TRARG1: variants seen among roughly 807,000 people sequenced by gnomAD.
TRARG1 encodes the protein trafficking regulator of GLUT4 1.
Under a neutral mutation model 13.3 loss-of-function variants are expected in TRARG1, and 16 were observed. The observed-to-expected ratio is 1.20, with a 90% CI of 0.81 to 1.83. The LOEUF is 1.83. Among genes scored for constraint, TRARG1 ranks in the 40% most tolerant of loss-of-function variants. The pLI is 0.00. For synonymous variants in TRARG1, 113 were observed against 106.2 expected, an observed-to-expected ratio of 1.06 and a Z score of -0.39; for missense variants, 250 against 237.4, an observed-to-expected ratio of 1.05 and a Z score of -0.35.
intron 2 of TRARG1, among the ~76,000 whole-genome samples, chr17:1,297,854 C>T (rs1015240583): frequency 6.6e-6 from 1 of 152,202 alleles, no homozygotes; most frequent in African/African-American, 2.4e-5. Flanking sequence ...ATCTGCCCGC[C>T]TCTGCCTCCC....
At position 1,299,545 on chromosome 17, in the gene TRARG1, C is replaced by G. The variant is rs982941260; in HGVS notation, c.*1281C>G. 6.6e-6 allele frequency: 1 copy of G among 152,096 alleles called. No individual in the cohort carries two copies. The highest frequency in any genetic ancestry group is 1.5e-5 in the Non-Finnish European group (1 of 68,070). 9.4% of individuals were successfully genotyped at this position (152,096 alleles called of 1,614,324 possible). The stretch of plus-strand genomic sequence containing the variant: ...GACCTAATGGGACCCCCGAAAGGAG[C>G]CAAGTGGGGCCCTCGGCCTCTTCCT... On this transcript the variant is annotated 3_prime_UTR_variant, in exon 3 of 3. Transcript: ENST00000333813.
At chr17:1,295,812 G>A (rs1400528711) in intron 2 of TRARG1, among the ~76,000 whole-genome samples, 189 bp downstream of exon 2, 1 of 152,234 alleles carries the variant, frequency 6.6e-6, no homozygotes, top group Non-Finnish European at 1.5e-5. Flanking sequence ...AGTGGGGATG[G>A]GCTGGCAGAC....
intron 1 of TRARG1, among the ~76,000 whole-genome samples, chr17:1,291,155 C>T (rs1598192993): frequency 6.6e-6 from 1 of 152,022 alleles, no homozygotes; most frequent in Non-Finnish European, 1.5e-5. Context: ...ATCCACTCAC[C>T]TCAGCCATGC....
At chr17:1,286,330 T>C (rs1240036727) in intron 1 of TRARG1, among the ~76,000 whole-genome samples, 3 of 151,884 alleles carry the variant, frequency 2.0e-5, no homozygotes, top group Non-Finnish European at 2.9e-5. Context: ...AGACCACAGA[T>C]GTGGGGTGTT....
chr17:1,295,678 C>A, intron 2 of TRARG1, 55 bp downstream of exon 2: 1 of 1,550,090 alleles, frequency 6.5e-7, no homozygotes. Context: ...GTGAGGACTG[C>A]TCAAGGGTGT....
chr17:1,284,970 A>G (rs926571895), intron 1 of TRARG1, among the ~76,000 whole-genome samples: 4 of 151,736 alleles, frequency 2.6e-5, no homozygotes, highest in Non-Finnish European at 4.4e-5. Flanking sequence ...GTGAGCCACC[A>G]CACCCGGCTG....
chr17:1,283,082 C>T (rs190158417), intron 1 of TRARG1, among the ~76,000 whole-genome samples: 1 of 152,296 alleles, frequency 6.6e-6, no homozygotes, highest in Non-Finnish European at 1.5e-5. Context: ...TCCCCAGAAC[C>T]TCCAGTCCGG....
chr17:1,292,551 T>G (rs2072076620), intron 1 of TRARG1, among the ~76,000 whole-genome samples: 1 of 152,164 alleles, frequency 6.6e-6, no homozygotes, highest in African/African-American at 2.4e-5. Flanking sequence ...CTCCGTCCAG[T>G]CCCTCCTACC....
intron 1 of TRARG1, among the ~76,000 whole-genome samples, chr17:1,281,399 C>T (rs539547521): frequency 1.3e-5 from 2 of 152,160 alleles, no homozygotes; most frequent in Admixed American, 6.5e-5. Flanking sequence ...GAGTGACTCC[C>T]TGCAGAGTCA....
chr17:1,284,881 T>C (rs1048768425), intron 1 of TRARG1, among the ~76,000 whole-genome samples: 2 of 151,762 alleles, frequency 1.3e-5, no homozygotes, highest in African/African-American at 4.8e-5. Flanking sequence ...GGGGTTTCAC[T>C]GTGTTAGCCA....
Position 1,280,402 on chromosome 17 carries a change from T to TA in TRARG1, c.387+14_387+15insA. 6.4e-7 allele frequency: 1 copy of TA among 1,564,072 alleles called. No homozygotes were observed. On this transcript the variant is annotated intron_variant, in intron 1 of 2. Transcript: ENST00000333813. ...ATTTCCATCATGGTAAGTGCTGGTC[T>TA]TTGTTCCAGGGGCAGGGGCTGGGCC...
intron 1 of TRARG1, among the ~76,000 whole-genome samples, chr17:1,287,108 A>T (rs1481775566): frequency 6.6e-6 from 1 of 151,872 alleles, no homozygotes; most frequent in Non-Finnish European, 1.5e-5. Flanking sequence ...ATGGGCTGAG[A>T]GAAGACAAAG....
intron 1 of TRARG1, among the ~76,000 whole-genome samples, chr17:1,290,228 A>G (rs2072060265): frequency 6.6e-6 from 1 of 152,186 alleles, no homozygotes; most frequent in African/African-American, 2.4e-5. Flanking sequence ...GTCCCAATTA[A>G]TATCCTTCAC....
In TRARG1 at chr17:1,298,486, C is replaced by T. The variant is rs957006809; in HGVS notation, c.*222C>T. The T allele has an allele frequency of 1.4e-5, 7 of 503,026 alleles. No homozygotes were observed. The highest frequency in any genetic ancestry group is 7.7e-5 in the African/African-American group (4 of 51,914). 31.2% of individuals were successfully genotyped at this position (503,026 alleles called of 1,614,324 possible). A position where few individuals can be genotyped will look rare whatever the true frequency, so the allele number is the denominator to read the frequency against. ...AAAGCACAGCGAACCCAATGGGTAA[C>T]GTGGTTTACTCTCCCGGACGCGTCC... On this transcript the variant is annotated 3_prime_UTR_variant, in exon 3 of 3. Coordinates refer to ENST00000333813, the MANE Select transcript of TRARG1 (RefSeq NM_172367.3).
chr17:1,283,444 T>C (rs1567928887), intron 1 of TRARG1, among the ~76,000 whole-genome samples: 1 of 152,218 alleles, frequency 6.6e-6, no homozygotes, highest in East Asian at 1.9e-4. Flanking sequence ...TGCACCCATC[T>C]AAAGTGTATT....
At chr17:1,291,733 G>A (rs2072070911) in intron 1 of TRARG1, among the ~76,000 whole-genome samples, 1 of 152,196 alleles carries the variant, frequency 6.6e-6, no homozygotes, top group South Asian at 2.1e-4. Context: ...AGAGCTGGAG[G>A]AATCTTGGTG....
intron 2 of TRARG1, among the ~76,000 whole-genome samples, chr17:1,297,643 G>A (rs1025357901): frequency 3.0e-5 from 4 of 132,964 alleles, no homozygotes; most frequent in East Asian, 2.3e-4. Context: ...TTGCTCTGTC[G>A]CCCAGGCTAG....
Position 1,298,687 on chromosome 17 carries a change from G to A in TRARG1, c.*423G>A, listed in dbSNP as rs1390623489. 1.5e-5 allele frequency: 3 copies of A among 196,674 alleles called. No homozygotes were observed. The highest frequency in any genetic ancestry group is 2.3e-5 in the African/African-American group (1 of 43,068). 12.2% of individuals were successfully genotyped at this position (196,674 alleles called of 1,614,324 possible). On this transcript the variant is annotated 3_prime_UTR_variant, in exon 3 of 3. Coordinates refer to ENST00000333813, the MANE Select transcript of TRARG1 (RefSeq NM_172367.3). ...TTCCTGTCTGTGGACTCGGAGCAAA[G>A]ACGTGGGGCCCCATCTTTTGTGTTT...
chr17:1,284,381 G>A (rs1296412546), intron 1 of TRARG1, among the ~76,000 whole-genome samples: 3 of 152,242 alleles, frequency 2.0e-5, no homozygotes, highest in Non-Finnish European at 4.4e-5. Context: ...CTTTGCAGCC[G>A]AGAGGAGTGT....
Sources: gnomAD v4.1 joint callset for allele counts (sites outside exome capture counted in the v4.1 genomes callset) on GRCh38, gnomAD v4.1.1 for gene constraint, MANE v1.5 for transcripts, NCBI Gene and HGNC (gene_info 2026-07-23, HGNC 2026-07-21) for gene names.